Variants in SCIN observed in about 807,000 individuals in gnomAD.
SCIN encodes the protein scinderin.
A neutral mutation model predicts 91.8 loss-of-function variants in SCIN; 91 were observed. The observed-to-expected ratio is 0.99, with a 90% CI of 0.84 to 1.18. The LOEUF is 1.18. Among genes scored for constraint, SCIN ranks in the 50% most tolerant of loss-of-function variants. The probability of loss-of-function intolerance (pLI) is 0.00; values close to 1 mark genes in which losing one functional copy is unlikely to be tolerated. For synonymous variants in SCIN, 367 were observed against 312.6 expected (o/e 1.17, Z -1.84); for missense variants, 1,087 against 863.9 (o/e 1.26, Z -3.24).
intron 13 of SCIN, 88 bp from the exon 14 acceptor site, chr7:12,649,379 C>A (rs1784031823): frequency 2.8e-6 from 2 of 707,324 alleles, no homozygotes; most frequent in Non-Finnish European, 4.4e-6. Flanking sequence ...TTTCACTATA[C>A]TCAAAAAAAA....
At chr7:12,579,185 G>C (rs754656664) in intron 2 of SCIN, among the ~76,000 whole-genome samples, 22 of 151,994 alleles carry the variant, frequency 1.4e-4, no homozygotes, top group Non-Finnish European at 1.9e-4. Flanking sequence ...CTAAGATGGC[G>C]AGGTTTATTT....
chr7:12,589,282 T>A (rs2115225957), intron 3 of SCIN: 1 of 148,990 alleles, frequency 6.7e-6, no homozygotes, highest in African/African-American at 2.5e-5. Flanking sequence ...AGTGGCATCA[T>A]CTCTGCTCAC....
At chr7:12,643,548 CT>C (rs1205732920) in intron 11 of SCIN, among the ~76,000 whole-genome samples, 2 of 152,162 alleles carry the variant, frequency 1.3e-5, no homozygotes, top group African/African-American at 2.4e-5. Flanking sequence ...CTGGACATTC[CT>C]TTAAAACTTC....
At chr7:12,638,044 C>T (rs548694544) in intron 10 of SCIN, among the ~76,000 whole-genome samples, 9 of 152,280 alleles carry the variant, frequency 5.9e-5, no homozygotes, top group African/African-American at 1.9e-4. Flanking sequence ...TTCAACTGCT[C>T]CTCCTTTTAT....
At chr7:12,647,732 C>A (rs1783993965) in intron 13 of SCIN, among the ~76,000 whole-genome samples, 1 of 152,144 alleles carries the variant, frequency 6.6e-6, no homozygotes. Flanking sequence ...TCTAAATGGT[C>A]AAGGTTTTTT....
chr7:12,595,032 G>A (rs1054460909), intron 3 of SCIN, among the ~76,000 whole-genome samples: 5 of 152,076 alleles, frequency 3.3e-5, no homozygotes, highest in African/African-American at 1.2e-4. Flanking sequence ...GGTAAGGGAT[G>A]ATAGGAGAGA....
intron 4 of SCIN, among the ~76,000 whole-genome samples, chr7:12,620,497 G>C (rs1320528056): frequency 6.6e-6 from 1 of 151,956 alleles, no homozygotes; most frequent in Non-Finnish European, 1.5e-5. Flanking sequence ...TATACAATAG[G>C]TTCATCCATG....
intron 3 of SCIN, among the ~76,000 whole-genome samples, chr7:12,590,321 C>T (rs1782691217): frequency 6.6e-6 from 1 of 152,094 alleles, no homozygotes; most frequent in Non-Finnish European, 1.5e-5. Context: ...GAGTGTTCCT[C>T]TGAGGGGATG....
chr7:12,652,754 GT>G lies in SCIN; in HGVS notation c.*41del. On this transcript the variant is annotated 3_prime_UTR_variant, in exon 16 of 16. Coordinates refer to ENST00000297029, the MANE Select transcript of SCIN (RefSeq NM_001112706.3). Reference sequence around the variant, plus strand: ...AAAAGCAAACAAACATTACAAGGCAGTTATCTCATTGCTGTTTTGGGAGAGG... The same window carrying G: ...AAAAGCAAACAAACATTACAAGGCAGTATCTCATTGCTGTTTTGGGAGAGG... The G allele has an allele frequency of 4.4e-6, 7 of 1,577,670 alleles. No individual in the cohort carries two copies. The highest frequency in any genetic ancestry group is 6.0e-6 in the Non-Finnish European group (7 of 1,169,274).
intron 3 of SCIN, among the ~76,000 whole-genome samples, chr7:12,598,069 C>T (rs955807848): frequency 1.2e-4 from 19 of 152,084 alleles, no homozygotes; most frequent in Admixed American, 1.2e-3. Flanking sequence ...AAACTGTTTG[C>T]TTTACAATTT....
intron 11 of SCIN, 58 bp from the exon 12 acceptor site, chr7:12,644,080 T>A (rs2115297550): frequency 6.8e-7 from 1 of 1,469,350 alleles, no homozygotes; most frequent in East Asian, 2.4e-5. Context: ...CTGGGACATG[T>A]TTATTGAGGG....
Position 12,634,472 on chromosome 7 carries a change from C to G in SCIN, c.1320-1573C>G, listed in dbSNP as rs187728703. Among the ~76,000 whole-genome samples the G allele has an allele frequency of 4.3e-5, 6 of 141,072 alleles. No individual in the cohort carries two copies. In the Admixed American group the frequency reaches 4.4e-4, roughly 10 times the overall value. The allele number at this position is 141,072 out of a possible 152,430, so 92.5% of individuals were successfully genotyped here. The stretch of plus-strand genomic sequence containing the variant: ...TGCACTCCAGCCTGGGCAACAAGAG[C>G]GAAACTCCATCTCCAAAAAAAAAAA... On this transcript the variant is annotated intron_variant, in intron 9 of 15. Coordinates refer to ENST00000297029, the MANE Select transcript of SCIN (RefSeq NM_001112706.3).
At chr7:12,585,557 A>G (rs544412424) in intron 3 of SCIN, among the ~76,000 whole-genome samples, 1 of 152,240 alleles carries the variant, frequency 6.6e-6, no homozygotes, top group Admixed American at 6.5e-5. Flanking sequence ...TGTGTGTCAT[A>G]AGAACCTCAA....
intron 4 of SCIN, among the ~76,000 whole-genome samples, chr7:12,621,170 T>C (rs1000184670): frequency 2.0e-5 from 3 of 152,180 alleles, no homozygotes; most frequent in African/African-American, 7.2e-5. Flanking sequence ...AGCCCTTAAG[T>C]GTTGGACAAC....
chr7:12,630,575 A>G (rs1783621723), intron 9 of SCIN, among the ~76,000 whole-genome samples: 1 of 152,244 alleles, frequency 6.6e-6, no homozygotes, highest in South Asian at 2.1e-4. Context: ...GCCACAGTCA[A>G]TCCATATGCT....
intron 10 of SCIN, among the ~76,000 whole-genome samples, chr7:12,639,363 A>T (rs1430937045): frequency 5.3e-5 from 8 of 152,244 alleles, no homozygotes; most frequent in African/African-American, 1.9e-4. Flanking sequence ...TTATGAAGTC[A>T]ATTATTTTCA....
intron 2 of SCIN, 69 bp downstream of exon 2, chr7:12,578,287 A>G (rs1782416941): frequency 7.3e-7 from 1 of 1,377,040 alleles, no homozygotes; most frequent in African/African-American, 1.5e-5. Flanking sequence ...TCCTGTCTTC[A>G]TAGAATGACA....
At chr7:12,571,419 A>G in intron 1 of SCIN, 1 of 351,980 alleles carries the variant, frequency 2.8e-6, no homozygotes, top group African/African-American at 2.1e-5. Flanking sequence ...GTCTGGGGGC[A>G]TCTGCCGCCG....
At chr7:12,626,294 C>T (rs1783520652) in intron 7 of SCIN, 1 of 394,492 alleles carries the variant, frequency 2.5e-6, no homozygotes, top group Non-Finnish European at 4.5e-6. Flanking sequence ...GCACAAGGAA[C>T]ACAATGAGAT....
Sources: gnomAD v4.1 joint callset for allele counts (sites outside exome capture counted in the v4.1 genomes callset) on GRCh38, gnomAD v4.1.1 for gene constraint, MANE v1.5 for transcripts, NCBI Gene and HGNC (gene_info 2026-07-23, HGNC 2026-07-21) for gene names.